BIRC2: variants seen among roughly 807,000 people sequenced by gnomAD.
BIRC2 encodes the protein baculoviral IAP repeat containing 2, also known as baculoviral IAP repeat-containing protein 2.
In BIRC2, 18 loss-of-function variants were observed where a neutral mutation model predicts 60.9. The ratio of observed to expected loss-of-function variants is 0.30; its 90% confidence interval spans 0.20 to 0.44. The LOEUF (loss-of-function observed/expected upper bound fraction) is 0.44. Ranked by LOEUF, BIRC2 falls within the 20% of genes least tolerant of loss-of-function variation. BIRC2 has a pLI of 1.00. For missense variants in BIRC2, 701 were observed against 728.5 expected (o/e 0.96, Z 0.43); for synonymous variants, 282 against 247.7 (o/e 1.14, Z -1.30).
intron 1 of BIRC2, among the ~76,000 whole-genome samples, chr11:102,348,075 G>A (rs1399254235): frequency 6.6e-6 from 1 of 152,154 alleles, no homozygotes; most frequent in East Asian, 1.9e-4. Flanking sequence ...TTCTGTGGTC[G>A]TTGCTTTGAA....
intron 6 of BIRC2, among the ~76,000 whole-genome samples, chr11:102,373,997 G>A (rs1473657817): frequency 7.1e-6 from 1 of 139,976 alleles, no homozygotes; most frequent in East Asian, 2.1e-4. Context: ...CGTAGTTCTC[G>A]AGCCTTGGTT....
Position 102,363,705 on chromosome 11 carries a change from C to T in BIRC2, c.1112C>T (p.Ala371Val). ...STSDTTGEEN[A>V]DPPIIHFGPG... is the part of the protein sequence containing the mutation. Reference sequence around the variant, plus strand: ...TCAGATACCACTGGAGAAGAAAATGCTGACCCACCAAGTATGTATGAGATA... The same window carrying T: ...TCAGATACCACTGGAGAAGAAAATGTTGACCCACCAAGTATGTATGAGATA... The change falls in exon 5 of 9, where the codon GCT (alanine) becomes GTT (valine). Residue 371 changes from alanine to valine, a missense_variant. Physicochemically the swap from Ala to Val is moderately conservative, Grantham distance 64 (BLOSUM62 0). Around this residue, in one of 4 missense-constraint regions of BIRC2, gnomAD observed 235 missense variants for 208.9 expected, o/e 1.12. Transcript: ENST00000227758. The T allele has an allele frequency of 6.2e-7, 1 of 1,610,888 alleles. No individual in the cohort carries two copies. Among genetic ancestry groups the T allele is most frequent in the Non-Finnish European group, 8.5e-7 (1 of 1,177,742 alleles).
At chr11:102,360,784 G>GTTTTTTTTTTTTGTTT in intron 3 of BIRC2, among the ~76,000 whole-genome samples, 1 of 129,378 alleles carries the variant, frequency 7.7e-6, no homozygotes, top group South Asian at 2.5e-4. Context: ...TGTTTTTTTT[G>GTTTTTTTTTTTTGTTT]TTTTTTTTTT....
At position 102,368,362 on chromosome 11, in the gene BIRC2, C is replaced by A. The variant is rs768824531; in HGVS notation, c.1180C>A (p.Pro394Thr). ...AGAAGATGCTGTCATGATGAATACA[C>A]CTGTGGTTAAATCTGCCTTGGAAAT... ...SSEDAVMMNT[P>T]VVKSALEMGF... The change falls in exon 6 of 9, where the codon CCT (proline) becomes ACT (threonine). Residue 394 changes from proline (P) to threonine (T), a missense_variant. Physicochemically the swap from Pro to Thr is conservative, Grantham distance 38 (BLOSUM62 -1). Transcript: ENST00000227758. 3.7e-6 allele frequency: 6 copies of A among 1,613,830 alleles called. No homozygotes were observed. Among genetic ancestry groups the A allele is most frequent in the African/African-American group, 1.3e-5 (1 of 74,878 alleles).
intron 3 of BIRC2, among the ~76,000 whole-genome samples, chr11:102,354,278 A>T (rs928549429): frequency 6.6e-6 from 1 of 152,094 alleles, no homozygotes; most frequent in African/African-American, 2.4e-5. Context: ...GGCACCATCT[A>T]GGCTCACTGC....
At chr11:102,374,815 C>T (rs772233275) in intron 6 of BIRC2, among the ~76,000 whole-genome samples, 1 of 152,160 alleles carries the variant, frequency 6.6e-6, no homozygotes, top group African/African-American at 2.4e-5. Context: ...TAGCAATCAG[C>T]GAGACTCCGT....
chr11:102,365,767 T>C (rs1285523402), intron 5 of BIRC2, among the ~76,000 whole-genome samples: 1 of 152,064 alleles, frequency 6.6e-6, no homozygotes, highest in African/African-American at 2.4e-5. Flanking sequence ...TGTGTGTGTG[T>C]GTGTTTGTAG....
intron 3 of BIRC2, among the ~76,000 whole-genome samples, chr11:102,353,465 C>A (rs1368294218): frequency 6.6e-6 from 1 of 152,042 alleles, no homozygotes; most frequent in African/African-American, 2.4e-5. Context: ...ATTATAGGCA[C>A]ACGCCACCAC....
At chr11:102,364,937 A>G (rs1165956853) in intron 5 of BIRC2, among the ~76,000 whole-genome samples, 1 of 152,254 alleles carries the variant, frequency 6.6e-6, no homozygotes, top group East Asian at 1.9e-4. Context: ...GTTCTACCAT[A>G]GGTCCTAATA....
intron 6 of BIRC2, among the ~76,000 whole-genome samples, chr11:102,371,754 C>T (rs1393162680): frequency 6.7e-6 from 1 of 149,754 alleles, no homozygotes; most frequent in Non-Finnish European, 1.5e-5. Flanking sequence ...ACCAGTTCCT[C>T]CTTGTACCTC....
At chr11:102,361,879 G>T (rs1951489133) in intron 3 of BIRC2, among the ~76,000 whole-genome samples, 1 of 149,666 alleles carries the variant, frequency 6.7e-6, no homozygotes, top group African/African-American at 2.5e-5. Context: ...AGGCTGATTG[G>T]GCTAGTGAGT....
At chr11:102,352,891 T>C (rs1467817415) in intron 3 of BIRC2, among the ~76,000 whole-genome samples, 1 of 152,230 alleles carries the variant, frequency 6.6e-6, no homozygotes, top group Non-Finnish European at 1.5e-5. Context: ...CGTCATTTTG[T>C]ATGATATATG....
At chr11:102,367,541 G>C (rs1383632283) in intron 5 of BIRC2, among the ~76,000 whole-genome samples, 1 of 152,214 alleles carries the variant, frequency 6.6e-6, no homozygotes, top group African/African-American at 2.4e-5. Context: ...GAAGATGGCA[G>C]TAGTGTCTTG....
chr11:102,352,174 C>T (rs1951371251), intron 3 of BIRC2, among the ~76,000 whole-genome samples: 1 of 150,534 alleles, frequency 6.6e-6, no homozygotes, highest in Non-Finnish European at 1.5e-5. Context: ...AGAGCAGTGG[C>T]GCGATCTCGG....
At chr11:102,364,659 C>T (rs976346506) in intron 5 of BIRC2, among the ~76,000 whole-genome samples, 6 of 152,164 alleles carry the variant, frequency 3.9e-5, no homozygotes, top group African/African-American at 1.4e-4. Context: ...TGTGGCACAG[C>T]ATTTCAAGAA....
Position 102,362,983 on chromosome 11 carries a change from A to G in BIRC2, c.1074+9A>G, listed in dbSNP as rs369346255. On this transcript the variant is annotated intron_variant, in intron 4 of 8. Transcript: ENST00000227758. ...CTCATCTTCTTGAACAGGTAAATAC[A>G]TTTTTAAAATTAACAACATTGAATT... 36 of 1,572,700 alleles carry G rather than the reference A, an allele frequency of 2.3e-5. No homozygotes were observed. Among genetic ancestry groups the G allele is most frequent in the Non-Finnish European group, 3.1e-5 (35 of 1,145,222 alleles).
chr11:102,366,811 A>G (rs1951557873), intron 5 of BIRC2, among the ~76,000 whole-genome samples: 1 of 152,242 alleles, frequency 6.6e-6, no homozygotes, highest in South Asian at 2.1e-4. Context: ...GTCAAGTTTT[A>G]TCAGTTGCAT....
Position 102,349,727 on chromosome 11 carries a change from A to G in BIRC2, c.-128A>G. On this transcript the variant is annotated 5_prime_UTR_variant, in exon 2 of 9. Transcript: ENST00000227758. ...CCTGAATATAAACTGAGATAAATCC[A>G]GTAAAGAAAGTGTAGTAAATTCTAC... The G allele has an allele frequency of 3.1e-6, 3 of 964,430 alleles. No individual in the cohort carries two copies. The highest frequency in any genetic ancestry group is 2.6e-5 in the East Asian group (1 of 39,102). The allele number at this position is 964,430 out of a possible 1,614,324, so 59.7% of individuals were successfully genotyped here. A position where few individuals can be genotyped will look rare whatever the true frequency, so the allele number is the denominator to read the frequency against.
chr11:102,375,056 G>T lies in BIRC2; in HGVS notation c.1367-2440G>T, dbSNP rs897670763. On this transcript the variant is annotated intron_variant, in intron 6 of 8. Transcript: ENST00000227758. ...ACGGTGCGCGCACCCACTGGCCTGC[G>T]CCCACTGTCTGGCACTCCCTAGTGA... is the stretch of plus-strand genomic sequence containing the variant. 2.0e-5 allele frequency among the ~76,000 whole-genome samples: 3 copies of T among 152,180 alleles called. 1 individual carries two copies. In the South Asian group the frequency reaches 6.2e-4, roughly 32 times the overall value.
Sources: gnomAD v4.1 joint callset for allele counts (sites outside exome capture counted in the v4.1 genomes callset) on GRCh38, gnomAD v4.1.1 for gene constraint, gnomAD v4.1.1 regional missense constraint, MANE v1.5 for transcripts, NCBI Gene and HGNC (gene_info 2026-07-23, HGNC 2026-07-21) for gene names.